Variants in TOPBP1 observed in about 807,000 individuals in gnomAD.
TOPBP1 encodes the protein DNA topoisomerase 2-binding protein 1.
Under a neutral mutation model 167.7 loss-of-function variants are expected in TOPBP1, and 28 were observed. The ratio of observed to expected loss-of-function variants is 0.17; its 90% CI spans 0.12 to 0.23. TOPBP1 has a LOEUF of 0.23. TOPBP1 is among the 10% of genes least tolerant of loss of function. The pLI is 1.00. For missense variants in TOPBP1, 1,554 were observed against 1,809.6 expected (o/e 0.86, Z 2.56); for synonymous variants, 598 against 611.4 (o/e 0.98, Z 0.32).
chr3:133,608,140 A>G (rs147200493), intron 27 of TOPBP1, among the ~76,000 whole-genome samples: 1 of 152,296 alleles, frequency 6.6e-6, no homozygotes, highest in East Asian at 1.9e-4. Flanking sequence ...GCAAATGCTT[A>G]AATTTACCAC....
chr3:133,613,862 C>T (rs1934769487), intron 23 of TOPBP1, among the ~76,000 whole-genome samples: 1 of 148,784 alleles, frequency 6.7e-6, no homozygotes, highest in Admixed American at 6.8e-5. Flanking sequence ...GGCGCGATCT[C>T]GACTCACTGC....
Position 133,628,690 on chromosome 3 carries a change from T to C in TOPBP1, c.2564A>G (p.Gln855Arg). Reference protein sequence around the residue: ...ALETPGRPSQQKRKPSTPLSE... With the variant: ...ALETPGRPSQRKRKPSTPLSE... ...GAGTGGCGTACTCGGTTTCCTTTTCTGTTGGCTGGGACGTCCTGGAGTTTC... is the reference window on the plus strand; with the variant it reads ...GAGTGGCGTACTCGGTTTCCTTTTCCGTTGGCTGGGACGTCCTGGAGTTTC... Residue 855 changes from glutamine (Q) to arginine (R), a missense_variant, in exon 15 of 28, where the codon CAG becomes CGG. Around this residue, in one of 3 missense-constraint regions of TOPBP1, gnomAD observed 1,197 missense variants for 1,351.5 expected, o/e 0.89. Transcript: ENST00000260810. 6.4e-7 allele frequency: 1 copy of C among 1,558,186 alleles called. No homozygotes were observed. Among genetic ancestry groups the C allele is most frequent in the Non-Finnish European group, 8.7e-7 (1 of 1,150,096 alleles).
At chr3:133,634,238 G>C (rs1225101625) in intron 14 of TOPBP1, among the ~76,000 whole-genome samples, 2 of 152,254 alleles carry the variant, frequency 1.3e-5, no homozygotes, top group Non-Finnish European at 2.9e-5. Flanking sequence ...GCCAGGTGTT[G>C]TGGCTCATGC....
chr3:133,657,954 G>C lies in TOPBP1; in HGVS notation c.220-13C>G, dbSNP rs765828164. The C allele has an allele frequency of 6.5e-7, 1 of 1,536,802 alleles. No individual in the cohort carries two copies. The highest frequency in any genetic ancestry group is 1.4e-5 in the African/African-American group (1 of 70,608). The stretch of plus-strand genomic sequence containing the variant: ...TTCTGCAGCCAAGCTACAAAAAAGA[G>C]AAAAGTTTAAATGAGTTAAGAAGGA... On this transcript the variant is annotated splice_polypyrimidine_tract_variant and intron_variant, in intron 3 of 27. Coordinates refer to ENST00000260810, the MANE Select transcript of TOPBP1 (RefSeq NM_007027.4).
chr3:133,626,729 G>A (rs1272580805), intron 16 of TOPBP1, among the ~76,000 whole-genome samples: 1 of 152,046 alleles, frequency 6.6e-6, no homozygotes, highest in African/African-American at 2.4e-5. Context: ...TCAGCCTTAG[G>A]CATTATACAT....
chr3:133,630,620 C>T (rs537518016), intron 14 of TOPBP1, among the ~76,000 whole-genome samples: 4 of 151,758 alleles, frequency 2.6e-5, no homozygotes, highest in Non-Finnish European at 4.4e-5. Flanking sequence ...TTTTTTGAGA[C>T]GGGGTCTTGC....
At chr3:133,643,835 G>A (rs943682699) in intron 11 of TOPBP1, among the ~76,000 whole-genome samples, 185 bp downstream of exon 11, 1 of 152,172 alleles carries the variant, frequency 6.6e-6, no homozygotes, top group Non-Finnish European at 1.5e-5. Context: ...AATCTCTACT[G>A]TATCGGGATT....
At position 133,608,853 on chromosome 3, in the gene TOPBP1, T is replaced by C; in HGVS notation, c.4263+20A>G. 1 of 1,597,884 alleles carries C rather than the reference T, an allele frequency of 6.3e-7. No individual in the cohort carries two copies. Among genetic ancestry groups the C allele is most frequent in the African/African-American group, 1.4e-5 (1 of 73,984 alleles). On this transcript the variant is annotated intron_variant, in intron 26 of 27. Transcript: ENST00000260810. ...ATGATTATTCATGTAAAAAGGTCAG[T>C]AAATTAATTTGATACAAACCTTTGC...
At chr3:133,618,580 A>C in intron 20 of TOPBP1, 147 bp from the exon 21 acceptor site, 1 of 613,378 alleles carries the variant, frequency 1.6e-6, no homozygotes, top group East Asian at 2.8e-5. Context: ...AAATAAATGA[A>C]CCTAGGGACA....
chr3:133,635,587 T>C (rs972615646), intron 14 of TOPBP1, among the ~76,000 whole-genome samples: 1 of 152,220 alleles, frequency 6.6e-6, no homozygotes, highest in Non-Finnish European at 1.5e-5. Context: ...CAACTTTTTG[T>C]AAGTTAGAAA....
At chr3:133,612,300 A>C (rs2107773454) in intron 24 of TOPBP1, 89 bp downstream of exon 24, 1 of 1,507,042 alleles carries the variant, frequency 6.6e-7, no homozygotes, top group Non-Finnish European at 9.0e-7. Flanking sequence ...TCGGCCTCCC[A>C]AAGTGCTAGG....
At position 133,652,482 on chromosome 3, in the gene TOPBP1, T is replaced by A. The variant is rs184600255; in HGVS notation, c.1070A>T (p.Asp357Val). The change falls in exon 8 of 28, where the codon GAT becomes GTT. Residue 357 changes from aspartate (D) to valine (V), a missense_variant. Around this residue, in one of 3 missense-constraint regions of TOPBP1, gnomAD observed 1,197 missense variants for 1,351.5 expected, o/e 0.89. Transcript: ENST00000260810. ...LDVSAFQAPE[D>V]LLDGCRIYLC... is the part of the protein sequence containing the mutation. ...ACGTACCCGACAACCATCTAATAAA[T>A]CTTCAGGTGCTTGAAATGCACTGAC... 1.5e-4 allele frequency: 244 copies of A among 1,611,844 alleles called. No homozygotes were observed. The African/African-American group carries it at 3.0e-3, about 20-fold the overall frequency.
intron 8 of TOPBP1, among the ~76,000 whole-genome samples, chr3:133,650,595 T>A (rs1002818881): frequency 2.0e-5 from 3 of 152,160 alleles, no homozygotes; most frequent in Non-Finnish European, 4.4e-5. Context: ...TTTAAACCAA[T>A]TTAATCAATA....
intron 23 of TOPBP1, among the ~76,000 whole-genome samples, 175 bp downstream of exon 23, chr3:133,616,639 T>C (rs1480384840): frequency 6.6e-6 from 1 of 152,250 alleles, no homozygotes; most frequent in East Asian, 1.9e-4. Flanking sequence ...CTACTGACTT[T>C]AGAGCTTTTT....
At chr3:133,644,794 G>C (rs1936023339) in intron 10 of TOPBP1, among the ~76,000 whole-genome samples, 1 of 152,162 alleles carries the variant, frequency 6.6e-6, no homozygotes, top group Non-Finnish European at 1.5e-5. Flanking sequence ...TAAGGAAGTG[G>C]CTGGCAAATC....
rs769029521 is a variant in TOPBP1 at position 133,649,341 on chromosome 3, A to G, written c.1504+42T>C. On this transcript the variant is annotated intron_variant, in intron 10 of 27. Coordinates refer to ENST00000260810, the MANE Select transcript of TOPBP1 (RefSeq NM_007027.4). The stretch of plus-strand genomic sequence containing the variant: ...CATATGTACGTATTAGGCTACTAAA[A>G]TATTTCTTACTAACTACAAATACTA... The G allele has an allele frequency of 3.5e-5, 55 of 1,585,674 alleles. No homozygotes were observed. In the Admixed American group the frequency reaches 9.3e-4, roughly 27 times the overall value.
rs181927914 is a variant in TOPBP1, at chr3:133,654,193, C to A, written c.743-669G>T. Among the ~76,000 whole-genome samples, 93 of 152,256 alleles carry A rather than the reference C, an allele frequency of 6.1e-4. 1 individual carries two copies. Among genetic ancestry groups the A allele is most frequent in the Non-Finnish European group, 1.2e-3 (85 of 68,022 alleles). ...GGCTCCATCACTTAATTTCTTTAAACCAGCTTGTACAATGTGAAAATTGTA... is the reference window on the plus strand; with the variant it reads ...GGCTCCATCACTTAATTTCTTTAAAACAGCTTGTACAATGTGAAAATTGTA... On this transcript the variant is annotated intron_variant, in intron 6 of 27. Transcript: ENST00000260810.
At position 133,633,716 on chromosome 3, in the gene TOPBP1, C is replaced by T. The variant is rs112775998; in HGVS notation, c.2520+4160G>A. ...CAGAGGTGGAAGTATTGCTTGAGTC[C>T]AGAGGTCAAGGCTATAATGGGCTGT... On this transcript the variant is annotated intron_variant, in intron 14 of 27. Coordinates refer to ENST00000260810, the MANE Select transcript of TOPBP1 (RefSeq NM_007027.4). Among the ~76,000 whole-genome samples the T allele has an allele frequency of 2.0e-4, 30 of 152,272 alleles. 1 individual carries two copies. The highest frequency in any genetic ancestry group is 7.2e-4 in the African/African-American group (30 of 41,552).
Position 133,628,694 on chromosome 3 carries a change from G to T in TOPBP1, c.2560C>A (p.Gln854Lys). The part of the protein sequence containing the change: ...AALETPGRPS[Q>K]QKRKPSTPLS... Reference sequence around the variant, plus strand: ...GGCGTACTCGGTTTCCTTTTCTGTTGGCTGGGACGTCCTGGAGTTTCCAAG... The same window carrying T: ...GGCGTACTCGGTTTCCTTTTCTGTTTGCTGGGACGTCCTGGAGTTTCCAAG... The change falls in exon 15 of 28, where the codon CAA (glutamine) becomes AAA (lysine). Residue 854 changes from glutamine to lysine, a missense_variant. By Grantham distance (53) the Gln-to-Lys change is moderately conservative (BLOSUM62 1). Around this residue, in one of 3 missense-constraint regions of TOPBP1, gnomAD observed 1,197 missense variants for 1,351.5 expected, o/e 0.89. Transcript: ENST00000260810. 1.3e-6 allele frequency: 2 copies of T among 1,556,172 alleles called. No homozygotes were observed. Among genetic ancestry groups the T allele is most frequent in the Non-Finnish European group, 8.7e-7 (1 of 1,149,122 alleles).
Sources: allele counts gnomAD v4.1 joint callset (sites outside exome capture counted in the v4.1 genomes callset), GRCh38; gene constraint gnomAD v4.1.1; regional missense constraint gnomAD v4.1.1; transcripts MANE v1.5; gene names NCBI Gene and HGNC (gene_info 2026-07-23, HGNC 2026-07-21).